ESRRG: variants seen among roughly 807,000 people sequenced by gnomAD.
ESRRG encodes the protein estrogen related receptor gamma, also known as estrogen-related receptor gamma.
Under a neutral mutation model 44.0 loss-of-function variants are expected in ESRRG, and 13 were observed. The ratio of observed to expected loss-of-function variants is 0.30; its 90% confidence interval spans 0.19 to 0.47. ESRRG has a LOEUF of 0.47. Among genes scored for constraint, ESRRG ranks in the 20% least tolerant of loss-of-function variants. The pLI is 1.00. For synonymous variants in ESRRG, 215 were observed against 214.6 expected (o/e 1.00, Z -0.02); for missense variants, 395 against 580.6 (o/e 0.68, Z 3.29).
chr1:216,980,286 C>A (rs1417071912), intron 1 of ESRRG, among the ~76,000 whole-genome samples: 1 of 152,166 alleles, frequency 6.6e-6, no homozygotes, highest in Admixed American at 6.5e-5. Flanking sequence ...CAAACACAAT[C>A]CTATTGTATA....
rs754162742 is a variant in ESRRG, at chr1:216,871,890, A to C, written c.-14+67692T>G. On this transcript the variant is annotated intron_variant, in intron 2 of 7. Transcript: ENST00000359162. The stretch of plus-strand genomic sequence containing the variant: ...GTCTATTATAGGTACCCCAATACTT[A>C]CTATTTCTTTTGCTGTTCTTTCATC... Among the ~76,000 whole-genome samples the C allele has an allele frequency of 2.0e-4, 31 of 152,038 alleles. 1 individual carries two copies. Among genetic ancestry groups the C allele is most frequent in the Admixed American group, 1.3e-4 (2 of 15,256 alleles).
intron 2 of ESRRG, among the ~76,000 whole-genome samples, chr1:216,798,020 C>A (rs1268074614): frequency 6.6e-6 from 1 of 152,126 alleles, no homozygotes. Context: ...CAAAAGTAAG[C>A]AGTATGGTTA....
chr1:216,537,642 T>C (rs986494666), intron 5 of ESRRG, among the ~76,000 whole-genome samples: 2 of 152,044 alleles, frequency 1.3e-5, no homozygotes, highest in Admixed American at 1.3e-4. Flanking sequence ...GGGAAGTCAC[T>C]GGGGGCTTTG....
chr1:216,715,170 T>G (rs1452519813), intron 1 of ESRRG: 1 of 985,186 alleles, frequency 1.0e-6, no homozygotes, highest in Admixed American at 6.2e-5. Context: ...AGTGTGTAGT[T>G]CAGTACAATT....
At chr1:216,595,176 C>T (rs1255305730) in intron 3 of ESRRG, among the ~76,000 whole-genome samples, 3 of 152,166 alleles carry the variant, frequency 2.0e-5, no homozygotes, top group African/African-American at 7.2e-5. Flanking sequence ...CATTACATAG[C>T]ACATTTTTAA....
chr1:216,899,455 C>T (rs757940148), intron 2 of ESRRG, among the ~76,000 whole-genome samples: 31 of 152,236 alleles, frequency 2.0e-4, no homozygotes, highest in Non-Finnish European at 3.8e-4. Context: ...GGCATTGGGT[C>T]GTCTGCTTAG....
intron 1 of ESRRG, among the ~76,000 whole-genome samples, chr1:217,128,890 A>G (rs959332953): frequency 3.3e-5 from 5 of 152,152 alleles, no homozygotes; most frequent in African/African-American, 1.2e-4. Flanking sequence ...AACTACTGCT[A>G]TCTCCTCAGG....
At position 217,133,639 on chromosome 1, in the gene ESRRG, CTCTCTCTCTT is replaced by C. The variant is rs1558298205; in HGVS notation, c.-230+4018_-230+4027del. On this transcript the variant is annotated intron_variant, in intron 1 of 8. Coordinates refer to the ESRRG transcript ENST00000366940. ...TTTCTTTCTTTCTTTCTTTCTCTCT[CTCTCTCTCTT>C]TCTTTCTTTCTTTCTTTCTTTCTTT... Among the ~76,000 whole-genome samples the C allele has an allele frequency of 9.7e-4, 88 of 91,178 alleles. 1 individual carries two copies. The highest frequency in any genetic ancestry group is 2.6e-3 in the African/African-American group (82 of 31,236). The allele number at this position is 91,178 out of a possible 152,430, so 59.8% of individuals were successfully genotyped here.
intron 1 of ESRRG, among the ~76,000 whole-genome samples, chr1:216,991,752 A>T (rs867518572): frequency 9.9e-5 from 15 of 152,096 alleles, no homozygotes; most frequent in Middle Eastern, 3.2e-3. Flanking sequence ...AGCCATGGCT[A>T]TGTTAGAGAA....
chr1:216,508,494 T>G (rs2041818337), intron 6 of ESRRG, among the ~76,000 whole-genome samples: 1 of 152,162 alleles, frequency 6.6e-6, no homozygotes, highest in Non-Finnish European at 1.5e-5. Flanking sequence ...AAGAAGGAAT[T>G]TTTCCAAGTG....
intron 1 of ESRRG, among the ~76,000 whole-genome samples, chr1:216,973,189 C>T (rs1202113424): frequency 6.6e-6 from 1 of 152,148 alleles, no homozygotes; most frequent in East Asian, 1.9e-4. Context: ...TGTCACTCCT[C>T]ACCTCAAAAT....
intron 1 of ESRRG, among the ~76,000 whole-genome samples, chr1:216,956,378 A>G (rs939050447): frequency 2.0e-5 from 3 of 152,088 alleles, no homozygotes; most frequent in Non-Finnish European, 2.9e-5. Flanking sequence ...CACCTCAATG[A>G]ATGTTATTGG....
At chr1:216,683,177 G>T (rs747272995) in intron 1 of ESRRG, among the ~76,000 whole-genome samples, 11 of 152,034 alleles carry the variant, frequency 7.2e-5, no homozygotes, top group Non-Finnish European at 1.3e-4. Context: ...AGAAGAGAAA[G>T]GATTTTTTCT....
rs2082699393 is a variant in ESRRG, at chr1:216,707,552, C to A, written c.56+15692G>T. On this transcript the variant is annotated intron_variant, in intron 1 of 6. Coordinates refer to ENST00000408911, the MANE Select transcript of ESRRG (RefSeq NM_001438.4). The stretch of plus-strand genomic sequence containing the variant: ...TTTGCTGAAGTTTTATGTAAAACTA[C>A]AGCTACTTAAGTCCTGAATTTATTT... 3.4e-6 allele frequency: 5 copies of A among 1,461,014 alleles called. No individual in the cohort carries two copies. In the East Asian group the frequency reaches 1.0e-4, roughly 29 times the overall value. 90.5% of individuals were successfully genotyped at this position (1,461,014 alleles called of 1,614,324 possible). A position where few individuals can be genotyped will look rare whatever the true frequency, so the allele number is the denominator to read the frequency against.
intron 3 of ESRRG, among the ~76,000 whole-genome samples, chr1:216,578,549 G>T (rs565219272): frequency 3.3e-5 from 5 of 151,952 alleles, no homozygotes; most frequent in Non-Finnish European, 7.4e-5. Context: ...GAAGGAACAC[G>T]AAAAAGCAAT....
At chr1:216,849,628 C>T (rs908331057) in intron 2 of ESRRG, among the ~76,000 whole-genome samples, 4 of 152,044 alleles carry the variant, frequency 2.6e-5, no homozygotes, top group African/African-American at 9.7e-5. Context: ...TCAGCATTGG[C>T]TACTGGGAAC....
chr1:216,690,307 A>AG (rs1251994423), intron 1 of ESRRG, among the ~76,000 whole-genome samples: 2 of 151,964 alleles, frequency 1.3e-5, no homozygotes, highest in Admixed American at 1.3e-4. Flanking sequence ...AACGAGTCCT[A>AG]GTCAAAGATA....
At chr1:216,877,212 T>C (rs1462468605) in intron 2 of ESRRG, among the ~76,000 whole-genome samples, 1 of 152,112 alleles carries the variant, frequency 6.6e-6, no homozygotes, top group African/African-American at 2.4e-5. Flanking sequence ...TTATGGATAG[T>C]AATCATCTCT....
chr1:216,661,191 A>T (rs2072286146), intron 2 of ESRRG, among the ~76,000 whole-genome samples: 1 of 152,166 alleles, frequency 6.6e-6, no homozygotes, highest in Non-Finnish European at 1.5e-5. Context: ...TGATGTGTAC[A>T]GTCTCTTCTT....
Sources: gnomAD v4.1 joint callset for allele counts (sites outside exome capture counted in the v4.1 genomes callset) on GRCh38, gnomAD v4.1.1 for gene constraint, MANE v1.5 for transcripts, NCBI Gene and HGNC (gene_info 2026-07-23, HGNC 2026-07-21) for gene names.